The following ATG4A variants were observed in gnomAD, a reference collection of about 807,000 sequenced individuals.
The protein encoded by ATG4A is cysteine protease ATG4A.
In ATG4A, 22 loss-of-function variants were observed where a neutral mutation model predicts 38.4. That is an observed-to-expected ratio of 0.57 (90% CI 0.41 to 0.82). The LOEUF (loss-of-function observed/expected upper bound fraction) is 0.82. Among genes scored for constraint, ATG4A ranks in the 40% least tolerant of loss-of-function variants. ATG4A has a pLI of 0.00. For synonymous variants in ATG4A, 86 were observed against 100.7 expected (o/e 0.85, Z 0.88); for missense variants, 220 against 290.0 (o/e 0.76, Z 1.75).
intron 9 of ATG4A, among the ~76,000 whole-genome samples, chrX:108,148,067 A>G (rs963423666): frequency 4.0e-5 from 1 of 24,982 alleles, no homozygotes; most frequent in African/African-American, 1.2e-4. Flanking sequence ...ATATATATAT[A>G]TATATATATG....
chrX:108,093,059 G>A (rs1238170944), intron 1 of ATG4A, among the ~76,000 whole-genome samples: 1 of 111,632 alleles, frequency 9.0e-6, no homozygotes, highest in East Asian at 2.8e-4. Flanking sequence ...CACTCAAAAT[G>A]AGGCACATTT....
chrX:108,144,392 G>A (rs903366245), intron 9 of ATG4A, among the ~76,000 whole-genome samples: 1 of 112,560 alleles, frequency 8.9e-6, no homozygotes, highest in African/African-American at 3.2e-5. Flanking sequence ...CCAGGTAGCT[G>A]GCTGATCACC....
At chrX:108,088,879 T>C, upstream of ATG4A, 1 of 1,077,068 alleles carries the variant, frequency 9.3e-7, no homozygotes, top group Non-Finnish European at 1.2e-6. Flanking sequence ...AGAAACATTC[T>C]TGAAATAGAA....
intron 1 of ATG4A, among the ~76,000 whole-genome samples, chrX:108,112,398 T>TC (rs1418294781): frequency 9.1e-6 from 1 of 109,500 alleles, no homozygotes; most frequent in Non-Finnish European, 1.9e-5. Context: ...TCCCTGACTT[T>TC]TTTTTTTTTT....
chrX:108,123,408 A>G lies in ATG4A; in HGVS notation c.11-2669A>G, dbSNP rs1233561736. On this transcript the variant is annotated intron_variant, in intron 1 of 12. Coordinates refer to ENST00000372232, the MANE Select transcript of ATG4A (RefSeq NM_052936.5). ...TGTTAATCAGAAGTAATTGTATTGG[A>G]AATGATATTTTACTTCTGTACCTCA... Among the ~76,000 whole-genome samples the G allele has an allele frequency of 2.7e-5, 3 of 112,283 alleles. No individual in the cohort carries two copies. The Admixed American group carries it at 2.8e-4, about 11-fold the overall frequency.
At chrX:108,128,880 T>C (rs2032874836) in intron 3 of ATG4A, 28 bp downstream of exon 3, 1 of 1,067,198 alleles carries the variant, frequency 9.4e-7, no homozygotes, top group Non-Finnish European at 1.3e-6. Context: ...TTTACTGTGC[T>C]TTATTCCTTG....
intron 1 of ATG4A, among the ~76,000 whole-genome samples, chrX:108,108,304 G>T (rs1397301198): frequency 9.3e-6 from 1 of 107,619 alleles, no homozygotes; most frequent in Non-Finnish European, 1.9e-5. Context: ...TAGCCACCAG[G>T]AATAGAAGAA....
intron 1 of ATG4A, among the ~76,000 whole-genome samples, chrX:108,098,201 G>T (rs747215352): frequency 8.9e-4 from 99 of 111,111 alleles, no homozygotes; most frequent in Non-Finnish European, 1.7e-3. Flanking sequence ...AATGTCCTTG[G>T]TGTTATATGT....
intron 1 of ATG4A, among the ~76,000 whole-genome samples, chrX:108,110,482 A>C (rs1410109026): frequency 9.0e-6 from 1 of 110,880 alleles, no homozygotes; most frequent in Non-Finnish European, 1.9e-5. Flanking sequence ...CCTTCTAGCT[A>C]TTTGAAACTA....
chrX:108,091,312 T>C (rs2031609187), upstream of ATG4A: 3 of 840,166 alleles, frequency 3.6e-6, no homozygotes, highest in Admixed American at 6.9e-5. Flanking sequence ...GTTCTGCTTC[T>C]CTCAGAAACG....
At chrX:108,126,293 A>G (rs1278109766) in intron 2 of ATG4A, 106 bp downstream of exon 2, 2 of 551,780 alleles carry the variant, frequency 3.6e-6, no homozygotes, top group South Asian at 2.7e-5. Flanking sequence ...GTCTTGCTCA[A>G]TGTTAATGCT....
In ATG4A at chrX:108,138,682, C is replaced by A. The variant is rs1033722136; in HGVS notation, c.814+491C>A. 2.7e-5 allele frequency among the ~76,000 whole-genome samples: 3 copies of A among 111,910 alleles called. No homozygotes were observed. In the Admixed American group the frequency reaches 2.8e-4, roughly 11 times the overall value. On this transcript the variant is annotated intron_variant, in intron 9 of 12. Coordinates refer to ENST00000372232, the MANE Select transcript of ATG4A (RefSeq NM_052936.5). ...ACCTCTTAATGTGGACCCGAGCAAG[C>A]AACCCAACATTCCCTGCATAGGAAG... is the stretch of plus-strand genomic sequence containing the variant.
At chrX:108,117,846 AT>A (rs1324825746) in intron 1 of ATG4A, among the ~76,000 whole-genome samples, 7 of 112,199 alleles carry the variant, frequency 6.2e-5, no homozygotes, top group Non-Finnish European at 1.3e-4. Flanking sequence ...GCTCTTTTAC[AT>A]TTTTGCACCT....
intron 1 of ATG4A, among the ~76,000 whole-genome samples, chrX:108,122,403 G>A (rs936766089): frequency 8.9e-6 from 1 of 111,887 alleles, no homozygotes; most frequent in Non-Finnish European, 1.9e-5. Context: ...AAGGCTTGCA[G>A]CAATCCAGGG....
rs1425735992 is a variant in ATG4A, at chrX:108,132,957, A to C, written c.293-1100A>C. ...ATTGTTTCCTATTCAGCTATTTTAAAATTAAGGTAGAGTATTCACTTGCCA... is the reference window on the plus strand; with the variant it reads ...ATTGTTTCCTATTCAGCTATTTTAACATTAAGGTAGAGTATTCACTTGCCA... On this transcript the variant is annotated intron_variant, in intron 4 of 12. Coordinates refer to ENST00000372232, the MANE Select transcript of ATG4A (RefSeq NM_052936.5). 2.7e-5 allele frequency among the ~76,000 whole-genome samples: 3 copies of C among 111,731 alleles called. No individual in the cohort carries two copies. In the East Asian group the frequency reaches 8.4e-4, roughly 31 times the overall value.
upstream of ATG4A, chrX:108,088,979 C>A: frequency 2.3e-6 from 1 of 441,694 alleles, no homozygotes. Context: ...AGGTAGGTAA[C>A]CTTAAACTAT....
At chrX:108,132,164 G>A (rs1208860644) in intron 4 of ATG4A, among the ~76,000 whole-genome samples, 2 of 112,036 alleles carry the variant, frequency 1.8e-5, no homozygotes, top group African/African-American at 6.5e-5. Flanking sequence ...CTCCCAAAGT[G>A]CTAGGATTAC....
chrX:108,131,525 C>T (rs2032953947), intron 4 of ATG4A, among the ~76,000 whole-genome samples, 167 bp downstream of exon 4: 1 of 112,035 alleles, frequency 8.9e-6, no homozygotes, highest in South Asian at 3.7e-4. Context: ...AACAAAGCCC[C>T]TCATAAGAAG....
Position 108,153,064 on chromosome X carries a change from C to G in ATG4A, c.1103C>G (p.Pro368Arg). 8.3e-7 allele frequency: 1 copy of G among 1,209,130 alleles called. No individual in the cohort carries two copies. The highest frequency in any genetic ancestry group is 1.1e-6 in the Non-Finnish European group (1 of 893,135). Reference protein sequence around the residue: ...HWPPFVPPAKPEVTTTGAEFI... With the variant: ...HWPPFVPPAKREVTTTGAEFI... ...CCTCCCTTTGTACCTCCAGCCAAGC[C>G]AGAAGTGACAACCACTGGGGCAGGT... The change falls in exon 12 of 13, where the codon CCA becomes CGA. Residue 368 changes from proline to arginine, a missense_variant. This residue lies in a region of ATG4A where 159 missense variants were observed against 188.9 expected (regional missense o/e 0.84). Transcript: ENST00000372232.
Sources: gnomAD v4.1 joint callset for allele counts (sites outside exome capture counted in the v4.1 genomes callset) on GRCh38, gnomAD v4.1.1 for gene constraint, gnomAD v4.1.1 regional missense constraint, MANE v1.5 for transcripts, NCBI Gene and HGNC (gene_info 2026-07-23, HGNC 2026-07-21) for gene names.